Variants in ADAMTSL1 observed in about 807,000 individuals in gnomAD.
ADAMTSL1 encodes the protein ADAMTS like 1, also known as ADAMTS-like protein 1.
A neutral mutation model predicts 201.8 loss-of-function variants in ADAMTSL1; 126 were observed. That is an observed-to-expected ratio of 0.62 (90% CI 0.54 to 0.72). The LOEUF is 0.72. ADAMTSL1 is among the 30% of genes least tolerant of loss of function. The probability of loss-of-function intolerance (pLI) is 0.00; values close to 1 mark genes in which losing one functional copy is unlikely to be tolerated. For synonymous variants in ADAMTSL1, 1,121 were observed against 903.4 expected (o/e 1.24, Z -4.32); for missense variants, 2,679 against 2,277.8 (o/e 1.18, Z -3.59).
chr9:18,218,843 T>G (rs1830149270), intron 2 of ADAMTSL1, among the ~76,000 whole-genome samples: 1 of 152,080 alleles, frequency 6.6e-6, no homozygotes, highest in Non-Finnish European at 1.5e-5. Flanking sequence ...TATTAATTCA[T>G]AAAGTTATTC....
chr9:18,826,221 T>C (rs1446567423), intron 21 of ADAMTSL1, 63 bp from the exon 22 acceptor site: 2 of 1,546,842 alleles, frequency 1.3e-6, no homozygotes, highest in East Asian at 4.9e-5. Context: ...TAAATGCCTC[T>C]GGGCTCACCT....
intron 8 of ADAMTSL1, among the ~76,000 whole-genome samples, chr9:18,659,111 T>C (rs1338812783): frequency 6.6e-6 from 1 of 152,212 alleles, no homozygotes; most frequent in African/African-American, 2.4e-5. Context: ...CTAGCTCTAG[T>C]TTCATAGAAG....
At chr9:18,326,223 A>G (rs1834826019) in intron 2 of ADAMTSL1, among the ~76,000 whole-genome samples, 1 of 152,196 alleles carries the variant, frequency 6.6e-6, no homozygotes, top group South Asian at 2.1e-4. Flanking sequence ...GTACTATAAT[A>G]AGGCAAAACT....
chr9:17,946,839 T>G (rs2131363315), intron 1 of ADAMTSL1, among the ~76,000 whole-genome samples: 1 of 152,292 alleles, frequency 6.6e-6, no homozygotes, highest in East Asian at 1.9e-4. Context: ...CTTTGAAAAC[T>G]TAAGTGTTTT....
At chr9:18,343,463 C>G (rs1306775070) in intron 2 of ADAMTSL1, among the ~76,000 whole-genome samples, 1 of 152,088 alleles carries the variant, frequency 6.6e-6, no homozygotes, top group Non-Finnish European at 1.5e-5. Flanking sequence ...CAGCAGGAGC[C>G]AGTTTGGCTT....
At chr9:18,520,530 A>G (rs565064080) in intron 2 of ADAMTSL1, among the ~76,000 whole-genome samples, 10 of 152,312 alleles carry the variant, frequency 6.6e-5, no homozygotes, top group South Asian at 4.1e-4. Flanking sequence ...CCATTTTTCA[A>G]TCTGGACCTT....
chr9:18,512,947 T>C (rs533755435), intron 2 of ADAMTSL1, among the ~76,000 whole-genome samples: 5 of 152,342 alleles, frequency 3.3e-5, no homozygotes, highest in African/African-American at 1.2e-4. Flanking sequence ...AACTATGTGA[T>C]ATTAAACATC....
At chr9:18,150,604 G>A (rs936538766) in intron 1 of ADAMTSL1, among the ~76,000 whole-genome samples, 6 of 152,010 alleles carry the variant, frequency 3.9e-5, no homozygotes, top group Admixed American at 2.0e-4. Flanking sequence ...ACACAATGTG[G>A]AGAAGAGGCT....
At chr9:17,907,795 C>A (rs1292029964) in intron 1 of ADAMTSL1, among the ~76,000 whole-genome samples, 1 of 152,140 alleles carries the variant, frequency 6.6e-6, no homozygotes, top group African/African-American at 2.4e-5. Context: ...TTCACACTTT[C>A]CAGACTCAGG....
intron 4 of ADAMTSL1, among the ~76,000 whole-genome samples, chr9:18,596,246 A>G (rs948884506): frequency 7.9e-5 from 12 of 152,324 alleles, no homozygotes; most frequent in African/African-American, 2.6e-4. Context: ...CATGTCTTTA[A>G]GAAGCTTATA....
chr9:17,919,782 T>C (rs896603592), intron 1 of ADAMTSL1, among the ~76,000 whole-genome samples: 1 of 152,140 alleles, frequency 6.6e-6, no homozygotes, highest in Non-Finnish European at 1.5e-5. Context: ...GCTATAAACA[T>C]TTATGTACAA....
intron 20 of ADAMTSL1, among the ~76,000 whole-genome samples, chr9:18,812,259 C>T (rs953465531): frequency 8.2e-6 from 1 of 121,628 alleles, no homozygotes; most frequent in African/African-American, 3.1e-5. Flanking sequence ...ATAGAGAACT[C>T]AGAAACAGAT....
At chr9:18,405,420 G>C (rs760931910) in intron 2 of ADAMTSL1, among the ~76,000 whole-genome samples, 1 of 152,176 alleles carries the variant, frequency 6.6e-6, no homozygotes, top group Non-Finnish European at 1.5e-5. Context: ...GCAGCAGATG[G>C]CAGGGGCACT....
At chr9:18,869,722 T>G (rs1021909394) in intron 23 of ADAMTSL1, among the ~76,000 whole-genome samples, 1 of 152,196 alleles carries the variant, frequency 6.6e-6, no homozygotes, top group African/African-American at 2.4e-5. Context: ...AGTCTAGCTT[T>G]TTTTCTGTCC....
At chr9:18,198,490 CA>C (rs1829286436) in intron 2 of ADAMTSL1, among the ~76,000 whole-genome samples, 1 of 149,312 alleles carries the variant, frequency 6.7e-6, no homozygotes, top group Non-Finnish European at 1.5e-5. Context: ...TTTATGCAGC[CA>C]AAAAACACAT....
chr9:18,687,758 G>A (rs1023778000), intron 13 of ADAMTSL1, among the ~76,000 whole-genome samples: 2 of 152,144 alleles, frequency 1.3e-5, no homozygotes, highest in Non-Finnish European at 2.9e-5. Context: ...GGAAGTAACC[G>A]CTTTAAGATG....
chr9:18,088,037 A>G (rs1823844902), intron 1 of ADAMTSL1, among the ~76,000 whole-genome samples: 1 of 152,170 alleles, frequency 6.6e-6, no homozygotes, highest in South Asian at 2.1e-4. Context: ...AAAACTATGT[A>G]TTTGCATAAG....
chr9:18,602,815 G>A (rs1484143399), intron 4 of ADAMTSL1, among the ~76,000 whole-genome samples: 1 of 152,168 alleles, frequency 6.6e-6, no homozygotes, highest in African/African-American at 2.4e-5. Flanking sequence ...AAAGGTATCT[G>A]ACACATGAAG....
intron 23 of ADAMTSL1, among the ~76,000 whole-genome samples, chr9:18,881,319 C>G (rs1828521036): frequency 6.6e-6 from 1 of 152,186 alleles, no homozygotes; most frequent in African/African-American, 2.4e-5. Context: ...TCATTTCTAG[C>G]TTCTGATTTA....
Sources: gnomAD v4.1 joint callset for allele counts (sites outside exome capture counted in the v4.1 genomes callset) on GRCh38, gnomAD v4.1.1 for gene constraint, MANE v1.5 for transcripts, NCBI Gene and HGNC (gene_info 2026-07-23, HGNC 2026-07-21) for gene names.